Variants in CYLC1 observed in about 807,000 individuals in gnomAD.
CYLC1 encodes the protein cylicin 1.
A neutral mutation model predicts 31.6 loss-of-function variants in CYLC1; 2 were observed. The ratio of observed to expected loss-of-function variants is 0.06; its 90% CI spans 0.03 to 0.20. The LOEUF (loss-of-function observed/expected upper bound fraction) is 0.20. Among genes scored for constraint, CYLC1 ranks in the 10% least tolerant of loss-of-function variants. The probability of loss-of-function intolerance (pLI) is 1.00; values close to 1 mark genes in which losing one functional copy is unlikely to be tolerated. For missense variants in CYLC1, 595 were observed against 424.1 expected, an observed-to-expected ratio of 1.40 and a Z score of -3.54; for synonymous variants, 185 against 153.0, an observed-to-expected ratio of 1.21 and a Z score of -1.54.
chrX:83,883,923 A>G (rs1317168786), intron 4 of CYLC1, among the ~76,000 whole-genome samples: 1 of 111,848 alleles, frequency 8.9e-6, no homozygotes, highest in African/African-American at 3.2e-5. Flanking sequence ...AGCTGAAGTA[A>G]TATTTCAGCT....
intron 3 of CYLC1, among the ~76,000 whole-genome samples, chrX:83,872,056 A>G (rs2031673676): frequency 9.0e-6 from 1 of 111,301 alleles, no homozygotes; most frequent in African/African-American, 3.2e-5. Context: ...AGCATCTCCC[A>G]GAGCAAAGTT....
intron 4 of CYLC1, among the ~76,000 whole-genome samples, chrX:83,876,853 C>A (rs1168817696): frequency 9.0e-6 from 1 of 110,684 alleles, no homozygotes; most frequent in Non-Finnish European, 1.9e-5. Context: ...TTGTCCTGGA[C>A]ACTCTTTATT....
intron 3 of CYLC1, 130 bp from the exon 4 acceptor site, chrX:83,872,752 CACAG>C (rs1343987319): frequency 6.2e-6 from 3 of 482,003 alleles, no homozygotes; most frequent in South Asian, 5.2e-5. Context: ...CACACACACA[CACAG>C]ACACAACCTT....
chrX:83,876,835 T>C (rs1381582186), intron 4 of CYLC1, among the ~76,000 whole-genome samples: 5 of 110,996 alleles, frequency 4.5e-5, no homozygotes, highest in African/African-American at 1.3e-4. Flanking sequence ...ATTGGAATGA[T>C]CCTGTCTTTG....
Position 83,881,863 on chromosome X carries a change from A to AT in CYLC1, c.1924-4683dup, listed in dbSNP as rs1290977419. Among the ~76,000 whole-genome samples, 140 of 108,751 alleles carry AT rather than the reference A, an allele frequency of 1.3e-3. 1 individual carries two copies. The highest frequency in any genetic ancestry group is 4.6e-3 in the African/African-American group (138 of 29,904). 94.4% of individuals were successfully genotyped at this position (108,751 alleles called of 115,157 possible). ...AGGTGCCCACCACCACGCCCAGCTA[A>AT]TTTTTTGTATTTTTAGTAGAGACGG... On this transcript the variant is annotated intron_variant, in intron 4 of 4. Transcript: ENST00000329312.
chrX:83,883,380 TC>T (rs1162711003), intron 4 of CYLC1, among the ~76,000 whole-genome samples: 3 of 112,068 alleles, frequency 2.7e-5, no homozygotes, highest in Non-Finnish European at 3.8e-5. Context: ...GAATTATCAA[TC>T]TTTATTACTA....
chrX:83,872,089 G>T (rs1404330343), intron 3 of CYLC1, among the ~76,000 whole-genome samples: 1 of 110,647 alleles, frequency 9.0e-6, no homozygotes, highest in Non-Finnish European at 1.9e-5. Flanking sequence ...TTTATTCAAG[G>T]GTCATTTATT....
chrX:83,886,669 G>A lies in CYLC1; in HGVS notation c.*85G>A. 4.8e-6 allele frequency: 4 copies of A among 831,909 alleles called. No homozygotes were observed. The highest frequency in any genetic ancestry group is 5.3e-6 in the Non-Finnish European group (3 of 568,711). The allele number at this position is 831,909 out of a possible 1,213,427, so 68.6% of individuals were successfully genotyped here. On this transcript the variant is annotated 3_prime_UTR_variant, in exon 5 of 5. Coordinates refer to ENST00000329312, the MANE Select transcript of CYLC1 (RefSeq NM_021118.3). ...TCAAATGAGCATTTCTACCTCTGTGGAACTGAAATAAAAACAAGTCTTCCA... is the reference window on the plus strand; with the variant it reads ...TCAAATGAGCATTTCTACCTCTGTGAAACTGAAATAAAAACAAGTCTTCCA...
chrX:83,876,218 C>G (rs1253345538), intron 4 of CYLC1, among the ~76,000 whole-genome samples: 1 of 110,448 alleles, frequency 9.1e-6, no homozygotes, highest in African/African-American at 3.3e-5. Flanking sequence ...TCCCAGCAGA[C>G]CCCAAAACTC....
chrX:83,876,314 A>T (rs372441916), intron 4 of CYLC1, among the ~76,000 whole-genome samples: 1 of 110,423 alleles, frequency 9.1e-6, no homozygotes, highest in East Asian at 2.8e-4. Flanking sequence ...TGGATGGCTA[A>T]CCACTAGTGT....
At chrX:83,864,580 T>C in intron 1 of CYLC1, 1 of 147,901 alleles carries the variant, frequency 6.8e-6, no homozygotes, top group South Asian at 1.3e-4. Flanking sequence ...ATTGAAAAAT[T>C]GAATGCATAT....
intron 1 of CYLC1, among the ~76,000 whole-genome samples, chrX:83,866,909 T>A (rs1442434813): frequency 5.4e-5 from 6 of 111,589 alleles, no homozygotes; most frequent in African/African-American, 2.0e-4. Flanking sequence ...TTAATTATAT[T>A]TATTTTCCTT....
chrX:83,863,796 A>AG (rs760292535), intron 1 of CYLC1, among the ~76,000 whole-genome samples: 6 of 111,593 alleles, frequency 5.4e-5, no homozygotes, highest in African/African-American at 2.0e-4. Context: ...AACTCCTCTA[A>AG]CTGGGCATGC....
chrX:83,869,188 G>T (rs2031631142), intron 1 of CYLC1, among the ~76,000 whole-genome samples: 1 of 109,807 alleles, frequency 9.1e-6, no homozygotes, highest in East Asian at 2.8e-4. Flanking sequence ...TTTTTCACTG[G>T]TATATAGAAA....
At chrX:83,876,246 T>C (rs1190311716) in intron 4 of CYLC1, among the ~76,000 whole-genome samples, 1 of 110,486 alleles carries the variant, frequency 9.1e-6, no homozygotes, top group Non-Finnish European at 1.9e-5. Context: ...AGACTCAAAG[T>C]TGATTAATGA....
intron 1 of CYLC1, among the ~76,000 whole-genome samples, chrX:83,864,167 T>C (rs1490398881): frequency 1.8e-5 from 2 of 111,959 alleles, no homozygotes; most frequent in Non-Finnish European, 3.8e-5. Flanking sequence ...CATCTTTATT[T>C]GATTACATCT....
At chrX:83,886,522 T>C in intron 4 of CYLC1, 30 bp from the exon 5 acceptor site, 1 of 1,200,200 alleles carries the variant, frequency 8.3e-7, no homozygotes, top group South Asian at 1.8e-5. Flanking sequence ...GCCTTTCTTT[T>C]TATTTGCATT....
chrX:83,870,182 G>A (rs1298365147), intron 2 of CYLC1, among the ~76,000 whole-genome samples: 7 of 111,498 alleles, frequency 6.3e-5, no homozygotes, highest in Non-Finnish European at 1.3e-4. Flanking sequence ...AATTTTACTT[G>A]TATAAGATTC....
chrX:83,883,646 G>C (rs746233231), intron 4 of CYLC1, among the ~76,000 whole-genome samples: 2 of 111,689 alleles, frequency 1.8e-5, no homozygotes, highest in South Asian at 7.3e-4. Context: ...AATTTACTCA[G>C]TTATTATTAT....
Sources: allele counts gnomAD v4.1 joint callset (sites outside exome capture counted in the v4.1 genomes callset), GRCh38; gene constraint gnomAD v4.1.1; transcripts MANE v1.5; gene names NCBI Gene and HGNC (gene_info 2026-07-23, HGNC 2026-07-21).